The following LHFPL6 variants were observed in gnomAD, a reference collection of about 807,000 sequenced individuals.
The protein encoded by LHFPL6 is LHFPL tetraspan subfamily member 6 protein.
LHFPL6 carries 9 observed loss-of-function variants against 20.6 expected under a neutral mutation model. The observed-to-expected ratio is 0.44, with a 90% CI of 0.26 to 0.76. The LOEUF is 0.76. LHFPL6 is among the 30% of genes least tolerant of loss of function. LHFPL6 has a pLI of 0.20. For missense variants in LHFPL6, 218 were observed against 253.5 expected (o/e 0.86, Z 0.95); for synonymous variants, 105 against 98.7 (o/e 1.06, Z -0.38).
intron 2 of LHFPL6, among the ~76,000 whole-genome samples, chr13:39,585,931 T>C (rs1872434524): frequency 6.6e-6 from 1 of 152,146 alleles, no homozygotes; most frequent in Admixed American, 6.5e-5. Flanking sequence ...CCTAATAAAA[T>C]TTAGGACATT....
chr13:39,412,697 G>A (rs1871260750), intron 2 of LHFPL6, among the ~76,000 whole-genome samples: 1 of 152,156 alleles, frequency 6.6e-6, no homozygotes, highest in African/African-American at 2.4e-5. Context: ...GGCCAAGGCG[G>A]GTGGATCACG....
chr13:39,470,609 G>A (rs1473305300), intron 2 of LHFPL6, among the ~76,000 whole-genome samples: 2 of 152,028 alleles, frequency 1.3e-5, no homozygotes, highest in Non-Finnish European at 2.9e-5. Context: ...GCAAAGGAAT[G>A]AGTACTCCCA....
At chr13:39,399,439 T>C (rs749017417) in intron 2 of LHFPL6, among the ~76,000 whole-genome samples, 18 of 152,104 alleles carry the variant, frequency 1.2e-4, no homozygotes, top group Non-Finnish European at 1.9e-4. Flanking sequence ...AGGAGGAAAA[T>C]GATAAGTAGG....
At chr13:39,557,798 C>T (rs1192733020) in intron 2 of LHFPL6, among the ~76,000 whole-genome samples, 1 of 152,214 alleles carries the variant, frequency 6.6e-6, no homozygotes, top group Non-Finnish European at 1.5e-5. Context: ...GGTGTTGCTC[C>T]TCAGCGTGCT....
chr13:39,391,652 A>G (rs1462405477), intron 2 of LHFPL6, among the ~76,000 whole-genome samples: 1 of 152,208 alleles, frequency 6.6e-6, no homozygotes, highest in Non-Finnish European at 1.5e-5. Flanking sequence ...TTCACTATTT[A>G]TGCTCATATA....
intron 2 of LHFPL6, among the ~76,000 whole-genome samples, chr13:39,424,895 T>TC (rs1265263059): frequency 6.6e-6 from 1 of 152,182 alleles, no homozygotes; most frequent in Non-Finnish European, 1.5e-5. Context: ...CTTAAATTGT[T>TC]TTAGACATTT....
intron 2 of LHFPL6, among the ~76,000 whole-genome samples, chr13:39,481,499 G>C (rs1868524922): frequency 6.6e-6 from 1 of 152,180 alleles, no homozygotes; most frequent in African/African-American, 2.4e-5. Flanking sequence ...TTGTGAGGTG[G>C]GGCTTCTTGA....
intron 2 of LHFPL6, among the ~76,000 whole-genome samples, chr13:39,407,882 A>C (rs752233380): frequency 6.6e-6 from 1 of 152,204 alleles, no homozygotes; most frequent in Non-Finnish European, 1.5e-5. Flanking sequence ...GAGTCAGATA[A>C]ACAGTAGTGG....
intron 2 of LHFPL6, among the ~76,000 whole-genome samples, chr13:39,567,663 A>C (rs1172431531): frequency 2.6e-5 from 4 of 152,036 alleles, no homozygotes; most frequent in African/African-American, 9.7e-5. Context: ...CACATAAACC[A>C]TTCCTAGCTC....
At chr13:39,482,226 T>C (rs1028047903) in intron 2 of LHFPL6, among the ~76,000 whole-genome samples, 8 of 152,128 alleles carry the variant, frequency 5.3e-5, no homozygotes, top group Admixed American at 6.5e-5. Flanking sequence ...GGCAGATCAT[T>C]TGAGGTCAGG....
intron 3 of LHFPL6, among the ~76,000 whole-genome samples, chr13:39,356,374 T>G (rs888074486): frequency 3.3e-5 from 5 of 152,076 alleles, no homozygotes; most frequent in Admixed American, 6.6e-5. Context: ...GCAAAAGAAG[T>G]GTTGAGAGGA....
At chr13:39,403,874 G>GA (rs1450878203) in intron 2 of LHFPL6, among the ~76,000 whole-genome samples, 1 of 152,196 alleles carries the variant, frequency 6.6e-6, no homozygotes, top group African/African-American at 2.4e-5. Context: ...GTACCTCTTA[G>GA]AAAAATGGCG....
chr13:39,531,639 T>C (rs1870468412), intron 2 of LHFPL6, among the ~76,000 whole-genome samples: 1 of 152,120 alleles, frequency 6.6e-6, no homozygotes, highest in Non-Finnish European at 1.5e-5. Flanking sequence ...AGATTCCTTC[T>C]AAGATCCGCA....
chr13:39,359,577 T>C (rs1869824246), intron 3 of LHFPL6, among the ~76,000 whole-genome samples: 1 of 151,982 alleles, frequency 6.6e-6, no homozygotes, highest in African/African-American at 2.4e-5. Context: ...GGGGGCAAAA[T>C]ACTGGATAAA....
At chr13:39,410,228 C>T (rs1054188242) in intron 2 of LHFPL6, among the ~76,000 whole-genome samples, 2 of 152,164 alleles carry the variant, frequency 1.3e-5, no homozygotes, top group Non-Finnish European at 2.9e-5. Context: ...CACAACAGTT[C>T]AAAAATCTTG....
Position 39,369,626 on chromosome 13 carries a change from C to T in LHFPL6, c.484+8802G>A, listed in dbSNP as rs544920320. Among the ~76,000 whole-genome samples the T allele has an allele frequency of 4.8e-3, 714 of 148,566 alleles. 10 individuals carry two copies. The highest frequency in any genetic ancestry group is 0.017 in the African/African-American group (682 of 40,118). ...CCCTCTCTCCCTCCCTTCCTTCCCC[C>T]TTTCCTTTCCTCTCATTCTCCCTCC... On this transcript the variant is annotated intron_variant, in intron 3 of 3. Coordinates refer to ENST00000379589, the MANE Select transcript of LHFPL6 (RefSeq NM_005780.3).
chr13:39,584,127 C>G (rs1490795682), intron 2 of LHFPL6, among the ~76,000 whole-genome samples: 1 of 152,190 alleles, frequency 6.6e-6, no homozygotes, highest in East Asian at 1.9e-4. Flanking sequence ...ATGTTTGTCT[C>G]TCTTGCTAGA....
At chr13:39,492,929 C>T (rs1437982863) in intron 2 of LHFPL6, among the ~76,000 whole-genome samples, 1 of 152,046 alleles carries the variant, frequency 6.6e-6, no homozygotes, top group Non-Finnish European at 1.5e-5. Flanking sequence ...ATCCTCCCAC[C>T]TCGGCCTCCC....
intron 2 of LHFPL6, among the ~76,000 whole-genome samples, chr13:39,517,497 T>C (rs1332902390): frequency 1.3e-5 from 2 of 152,206 alleles, no homozygotes; most frequent in Admixed American, 1.3e-4. Flanking sequence ...TTTATCACTA[T>C]TGTCTATACT....
Sources: gnomAD v4.1 joint callset for allele counts (sites outside exome capture counted in the v4.1 genomes callset) on GRCh38, gnomAD v4.1.1 for gene constraint, MANE v1.5 for transcripts, NCBI Gene and HGNC (gene_info 2026-07-23, HGNC 2026-07-21) for gene names.